Variants in ELMO1 observed in about 807,000 individuals in gnomAD.
The protein encoded by ELMO1 is engulfment and cell motility protein 1.
A neutral mutation model predicts 98.9 loss-of-function variants in ELMO1; 26 were observed. That is an observed-to-expected ratio of 0.26 (90% CI 0.19 to 0.36). The LOEUF is 0.36. Ranked by LOEUF, ELMO1 falls within the 10% of genes least tolerant of loss-of-function variation. The pLI, the probability that ELMO1 is intolerant of heterozygous loss-of-function variation, is 1.00. For missense variants in ELMO1, 627 were observed against 935.2 expected, an observed-to-expected ratio of 0.67 and a Z score of 4.30; for synonymous variants, 346 against 346.0, an observed-to-expected ratio of 1.00 and a Z score of 0.00.
chr7:37,031,540 C>G (rs1333721619), intron 15 of ELMO1, among the ~76,000 whole-genome samples: 1 of 152,138 alleles, frequency 6.6e-6, no homozygotes, highest in East Asian at 1.9e-4. Context: ...GCAGTTGTTC[C>G]CACTTCCAGG....
At position 37,422,498 on chromosome 7, in the gene ELMO1, T is replaced by C. The variant is rs765122465; in HGVS notation, c.-74+26177A>G. Among the ~76,000 whole-genome samples, 26 of 152,228 alleles carry C rather than the reference T, an allele frequency of 1.7e-4. 1 individual carries two copies. The highest frequency in any genetic ancestry group is 2.9e-4 in the Non-Finnish European group (20 of 68,032). Reference sequence around the variant, plus strand: ...AGAGAAGCTCGTGTGGTTTTCCTGCTTCTCTTAGAGGATTCAGCTATTCGC... The same window carrying C: ...AGAGAAGCTCGTGTGGTTTTCCTGCCTCTCTTAGAGGATTCAGCTATTCGC... On this transcript the variant is annotated intron_variant, in intron 1 of 21. Transcript: ENST00000310758.
intron 13 of ELMO1, among the ~76,000 whole-genome samples, chr7:37,144,248 T>TTC (rs150352368): frequency 3.5e-4 from 53 of 149,554 alleles, no homozygotes; most frequent in Admixed American, 8.0e-4. Context: ...TATGTTCTCA[T>TTC]TCTCTCTCTC....
chr7:37,209,984 T>C (rs552077381), intron 13 of ELMO1, among the ~76,000 whole-genome samples: 2 of 152,254 alleles, frequency 1.3e-5, no homozygotes, highest in Non-Finnish European at 2.9e-5. Flanking sequence ...GTATTCTTAT[T>C]TAAAACGTCA....
intron 16 of ELMO1, among the ~76,000 whole-genome samples, chr7:36,978,658 C>A (rs1026429750): frequency 1.3e-5 from 2 of 152,140 alleles, no homozygotes; most frequent in African/African-American, 4.8e-5. Flanking sequence ...TAAAAGCCAC[C>A]GATTATTTAT....
chr7:37,238,269 A>G (rs1288200057), intron 7 of ELMO1, among the ~76,000 whole-genome samples: 2 of 152,222 alleles, frequency 1.3e-5, no homozygotes, highest in African/African-American at 2.4e-5. Flanking sequence ...TTGCATGTCT[A>G]TCGATGAATT....
chr7:37,147,570 G>A lies in ELMO1; in HGVS notation c.1087-14336C>T, dbSNP rs7776822. On this transcript the variant is annotated intron_variant, in intron 13 of 21. Transcript: ENST00000310758. ...TGACCGTTCAATTTATCAACTAAGA[G>A]TTGGAGCTGCCAACAAGTCCAAGAG... 2.8e-3 allele frequency among the ~76,000 whole-genome samples: 428 copies of A among 152,306 alleles called. 5 individuals are homozygous for A. Among genetic ancestry groups the A allele is most frequent in the African/African-American group, 9.8e-3 (407 of 41,534 alleles).
intron 4 of ELMO1, among the ~76,000 whole-genome samples, chr7:37,289,020 T>A (rs1201466471): frequency 6.6e-6 from 1 of 152,200 alleles, no homozygotes; most frequent in East Asian, 1.9e-4. Context: ...GTTCGTTTTC[T>A]AAGTCTTTCC....
rs529974798 is a variant in ELMO1, at chr7:37,222,539, T to C, written c.780+76A>G. ...CAGAGAGGCCCAATGAGTCCCCGAA[T>C]AGAAGGAGAGGGCGTTCTCTGCACA... On this transcript the variant is annotated intron_variant, in intron 10 of 21. Transcript: ENST00000310758. 5.9e-4 allele frequency: 834 copies of C among 1,414,374 alleles called. 9 individuals are homozygous for C. In the South Asian group the frequency reaches 8.2e-3, roughly 14 times the overall value. The allele number at this position is 1,414,374 out of a possible 1,614,324, so 87.6% of individuals were successfully genotyped here. A position where few individuals can be genotyped will look rare whatever the true frequency, so the allele number is the denominator to read the frequency against.
chr7:37,369,173 G>A (rs1191706125), intron 1 of ELMO1, among the ~76,000 whole-genome samples: 2 of 152,156 alleles, frequency 1.3e-5, no homozygotes, highest in Admixed American at 1.3e-4. Flanking sequence ...CACTCATATG[G>A]AAGCTTGATA....
intron 15 of ELMO1, among the ~76,000 whole-genome samples, chr7:37,072,406 C>T (rs1399297278): frequency 6.6e-6 from 1 of 152,108 alleles, no homozygotes; most frequent in Non-Finnish European, 1.5e-5. Flanking sequence ...CTGCTGCCAT[C>T]CACGTACGAT....
At chr7:37,115,916 G>T (rs1283877095) in intron 14 of ELMO1, among the ~76,000 whole-genome samples, 2 of 152,190 alleles carry the variant, frequency 1.3e-5, no homozygotes, top group East Asian at 1.9e-4. Context: ...CTTATCAATT[G>T]TAACAAATGA....
intron 2 of ELMO1, among the ~76,000 whole-genome samples, chr7:37,333,620 T>C (rs757669943): frequency 5.3e-5 from 8 of 152,208 alleles, no homozygotes; most frequent in Non-Finnish European, 7.3e-5. Context: ...TTTATGAGGT[T>C]ATATAGACTC....
chr7:37,258,034 C>T (rs553271404), intron 6 of ELMO1, among the ~76,000 whole-genome samples: 1 of 151,656 alleles, frequency 6.6e-6, no homozygotes, highest in South Asian at 2.1e-4. Context: ...CCTTGGGAGG[C>T]CAAGGCAGGC....
intron 16 of ELMO1, among the ~76,000 whole-genome samples, chr7:36,907,587 T>A (rs188619648): frequency 5.2e-4 from 79 of 152,240 alleles, no homozygotes; most frequent in African/African-American, 1.8e-3. Context: ...CTCCACTCCA[T>A]CCCTCTTCCT....
chr7:37,426,532 T>C (rs932355066), intron 1 of ELMO1, among the ~76,000 whole-genome samples: 3 of 152,146 alleles, frequency 2.0e-5, no homozygotes, highest in African/African-American at 7.2e-5. Flanking sequence ...AGATAACATA[T>C]ATAAATCACT....
At chr7:36,889,092 T>A (rs750951638) in intron 17 of ELMO1, among the ~76,000 whole-genome samples, 7 of 152,148 alleles carry the variant, frequency 4.6e-5, no homozygotes, top group Non-Finnish European at 1.0e-4. Flanking sequence ...GATTTACTCA[T>A]GAGAAAAAAG....
intron 16 of ELMO1, among the ~76,000 whole-genome samples, chr7:36,916,367 A>G (rs1268204536): frequency 6.6e-6 from 1 of 152,196 alleles, no homozygotes; most frequent in Non-Finnish European, 1.5e-5. Context: ...GCTGGGACAG[A>G]TTCTGTGATA....
intron 13 of ELMO1, among the ~76,000 whole-genome samples, chr7:37,193,150 G>A (rs527691612): frequency 7.3e-5 from 11 of 151,720 alleles, no homozygotes; most frequent in Middle Eastern, 3.4e-3. Context: ...TTACCCCTTC[G>A]CTGGGTTTGT....
intron 15 of ELMO1, among the ~76,000 whole-genome samples, chr7:37,044,648 T>G (rs1215984289): frequency 6.6e-6 from 1 of 152,140 alleles, no homozygotes; most frequent in Admixed American, 6.5e-5. Flanking sequence ...AGTCTGCTGG[T>G]CTTTGCTCCA....
Sources: gnomAD v4.1 joint callset for allele counts (sites outside exome capture counted in the v4.1 genomes callset) on GRCh38, gnomAD v4.1.1 for gene constraint, MANE v1.5 for transcripts, NCBI Gene and HGNC (gene_info 2026-07-23, HGNC 2026-07-21) for gene names.